KIAA1217: variants seen among roughly 807,000 people sequenced by gnomAD.
The protein encoded by KIAA1217 is KIAA1217, also known as sickle tail protein homolog.
In KIAA1217, 88 loss-of-function variants were observed where a neutral mutation model predicts 163.9. The observed-to-expected ratio is 0.54, with a 90% CI of 0.45 to 0.64. The LOEUF is 0.64. KIAA1217 is among the 30% of genes least tolerant of loss of function. The probability of loss-of-function intolerance (pLI) is 0.00; values close to 1 mark genes in which losing one functional copy is unlikely to be tolerated. For missense variants in KIAA1217, 2,372 were observed against 2,475.0 expected (o/e 0.96, Z 0.88); for synonymous variants, 903 against 923.1 (o/e 0.98, Z 0.39).
At chr10:24,050,828 C>G (rs1476817576) in intron 2 of KIAA1217, among the ~76,000 whole-genome samples, 1 of 152,248 alleles carries the variant, frequency 6.6e-6, no homozygotes, top group Admixed American at 6.5e-5. Context: ...TAACTCAATG[C>G]TTTTTTTCCT....
At chr10:23,983,352 G>T (rs1023366068) in intron 1 of KIAA1217, among the ~76,000 whole-genome samples, 3 of 152,170 alleles carry the variant, frequency 2.0e-5, no homozygotes, top group African/African-American at 7.2e-5. Context: ...ATCAAGAAAA[G>T]AAGTTTAATT....
chr10:23,980,874 C>G (rs957854923), intron 1 of KIAA1217, among the ~76,000 whole-genome samples: 1 of 152,136 alleles, frequency 6.6e-6, no homozygotes, highest in African/African-American at 2.4e-5. Context: ...AATTCTCTTT[C>G]TCGTATGGTT....
chr10:24,193,085 T>TA (rs796492609), intron 2 of KIAA1217, among the ~76,000 whole-genome samples: 3 of 152,122 alleles, frequency 2.0e-5, no homozygotes, highest in Non-Finnish European at 2.9e-5. Context: ...CCCAGTTAAT[T>TA]AAAAAAAATT....
chr10:24,520,211 T>A lies in KIAA1217; in HGVS notation c.2266T>A (p.Phe756Ile). ...TCTGAAAGACGTGGAAGACGGGGCT[T>A]TCCTCCTGCGTCAAGTGGGAGAGGC... is the stretch of plus-strand genomic sequence containing the variant. ...VTLKDVEDGA[F>I]LLRQVGEAVA... is the part of the protein sequence containing the mutation. The change falls in exon 11 of 21, where the codon TTC becomes ATC. Residue 756 changes from phenylalanine to isoleucine, a missense_variant. Around this residue, in one of 3 missense-constraint regions of KIAA1217, gnomAD observed 1,431 missense variants for 1,470.3 expected, o/e 0.97. Coordinates refer to ENST00000376454, the MANE Select transcript of KIAA1217 (RefSeq NM_019590.5). The A allele has an allele frequency of 6.2e-7, 1 of 1,614,144 alleles. No homozygotes were observed. Among genetic ancestry groups the A allele is most frequent in the Non-Finnish European group, 8.5e-7 (1 of 1,180,010 alleles).
At chr10:24,542,655 G>A in intron 17 of KIAA1217, 38 bp from the exon 18 acceptor site, 3 of 1,601,356 alleles carry the variant, frequency 1.9e-6, no homozygotes, top group Non-Finnish European at 1.7e-6. Context: ...GGGGGGATGT[G>A]GTTTTGTGGA....
At chr10:24,211,540 G>GTATTTTATTT (rs1168145376) in intron 1 of KIAA1217, among the ~76,000 whole-genome samples, 14 of 28,704 alleles carry the variant, frequency 4.9e-4, no homozygotes, top group African/African-American at 1.4e-3. Flanking sequence ...TGGTTGTATT[G>GTATTTTATTT]TATTGTATTG....
chr10:23,914,683 G>A (rs961782994), intron 1 of KIAA1217, among the ~76,000 whole-genome samples: 1 of 152,140 alleles, frequency 6.6e-6, no homozygotes, highest in African/African-American at 2.4e-5. Flanking sequence ...ATGCTGCAGA[G>A]TAGTGATCCT....
intron 6 of KIAA1217, among the ~76,000 whole-genome samples, chr10:24,491,550 A>C (rs2133686686): frequency 6.6e-6 from 1 of 152,236 alleles, no homozygotes; most frequent in African/African-American, 2.4e-5. Context: ...TTGGCCTCCC[A>C]AAGCACTGGG....
chr10:24,074,224 C>T (rs1448152975), intron 2 of KIAA1217, among the ~76,000 whole-genome samples: 1 of 152,100 alleles, frequency 6.6e-6, no homozygotes, highest in Admixed American at 6.6e-5. Context: ...TGGCACATGC[C>T]TGTAATCCCA....
At chr10:24,005,205 A>G (rs183406445) in intron 1 of KIAA1217, among the ~76,000 whole-genome samples, 8 of 152,340 alleles carry the variant, frequency 5.3e-5, no homozygotes, top group Non-Finnish European at 8.8e-5. Flanking sequence ...TTGGGCTAAC[A>G]ATGCCTAGCT....
At chr10:24,182,438 T>TCACACACACACACACACACACACACA (rs3222547) in intron 2 of KIAA1217, among the ~76,000 whole-genome samples, 3 of 144,868 alleles carry the variant, frequency 2.1e-5, no homozygotes, top group Admixed American at 6.9e-5. Context: ...CAAGACTCCA[T>TCACACACACACACACACACACACACA]CACACACACA....
intron 3 of KIAA1217, among the ~76,000 whole-genome samples, chr10:24,429,536 C>T (rs2059425085): frequency 6.6e-6 from 1 of 152,084 alleles, no homozygotes; most frequent in African/African-American, 2.4e-5. Flanking sequence ...AGGTGGCCTC[C>T]ACTTTCTGAG....
intron 1 of KIAA1217, among the ~76,000 whole-genome samples, chr10:23,893,100 G>A (rs989166143): frequency 6.6e-6 from 1 of 151,936 alleles, no homozygotes; most frequent in Non-Finnish European, 1.5e-5. Flanking sequence ...GGTAGAATTC[G>A]GCTGTGAATC....
rs1041609253 is a variant in KIAA1217 at position 24,546,899 on chromosome 10, A to G, written c.*575A>G. 1 of 152,768 alleles carries G rather than the reference A, an allele frequency of 6.5e-6. No individual in the cohort carries two copies. The highest frequency in any genetic ancestry group is 1.9e-4 in the East Asian group (1 of 5,202). 9.5% of individuals were successfully genotyped at this position (152,768 alleles called of 1,614,324 possible). A position where few individuals can be genotyped will look rare whatever the true frequency, so the allele number is the denominator to read the frequency against. On this transcript the variant is annotated 3_prime_UTR_variant, in exon 21 of 21. Coordinates refer to ENST00000376454, the MANE Select transcript of KIAA1217 (RefSeq NM_019590.5). ...ACATTTGAAAGTAGTGTTCTAGACT[A>G]TAAAACCAATGAACTTCTACATGAG...
chr10:23,856,827 T>G (rs1460820958), intron 1 of KIAA1217, among the ~76,000 whole-genome samples: 1 of 152,236 alleles, frequency 6.6e-6, no homozygotes, highest in Admixed American at 6.5e-5. Context: ...GTGCGGGATA[T>G]AATCTCCTGG....
chr10:24,003,417 G>A (rs1358373720), intron 1 of KIAA1217, among the ~76,000 whole-genome samples: 1 of 152,106 alleles, frequency 6.6e-6, no homozygotes, highest in Non-Finnish European at 1.5e-5. Flanking sequence ...AATTAGTGAT[G>A]TTGAGCTTTT....
At chr10:24,253,581 C>T (rs1412535239) in intron 2 of KIAA1217, among the ~76,000 whole-genome samples, 2 of 152,034 alleles carry the variant, frequency 1.3e-5, no homozygotes, top group Non-Finnish European at 2.9e-5. Flanking sequence ...AATGTTTACT[C>T]CTTAGCCCAG....
intron 3 of KIAA1217, among the ~76,000 whole-genome samples, chr10:24,417,432 G>T (rs969929422): frequency 6.6e-6 from 1 of 152,192 alleles, no homozygotes; most frequent in Admixed American, 6.5e-5. Flanking sequence ...AGGCACTCAC[G>T]CTTGAGGGCC....
intron 5 of KIAA1217, among the ~76,000 whole-genome samples, chr10:24,472,931 T>G (rs117997467): frequency 0.011 from 1,714 of 152,262 alleles, 18 homozygotes; most frequent in Non-Finnish European, 0.018. Flanking sequence ...TCCAAACTCT[T>G]CTAACCCTAC....
Sources: allele counts gnomAD v4.1 joint callset (sites outside exome capture counted in the v4.1 genomes callset), GRCh38; gene constraint gnomAD v4.1.1; regional missense constraint gnomAD v4.1.1; transcripts MANE v1.5; gene names NCBI Gene and HGNC (gene_info 2026-07-23, HGNC 2026-07-21).